The following NRG1 variants were observed in gnomAD, a reference collection of about 807,000 sequenced individuals.
NRG1 encodes the protein neuregulin 1, also known as pro-neuregulin-1, membrane-bound isoform.
NRG1 carries 18 observed loss-of-function variants against 63.8 expected under a neutral mutation model. That is an observed-to-expected ratio of 0.28 (90% confidence interval 0.19 to 0.42). The LOEUF is 0.42. Ranked by LOEUF, NRG1 falls within the 10% of genes least tolerant of loss-of-function variation. The probability of loss-of-function intolerance (pLI) is 1.00; values close to 1 mark genes in which losing one functional copy is unlikely to be tolerated. For synonymous variants in NRG1, 302 were observed against 301.3 expected (o/e 1.00, Z -0.02); for missense variants, 762 against 814.7 (o/e 0.94, Z 0.79).
chr8:32,526,917 C>T (rs1472270081), intron 1 of NRG1, among the ~76,000 whole-genome samples: 2 of 152,016 alleles, frequency 1.3e-5, no homozygotes, highest in Non-Finnish European at 2.9e-5. Flanking sequence ...ATTTGTAGCC[C>T]TTCACTCTTC....
intron 1 of NRG1, among the ~76,000 whole-genome samples, chr8:31,919,249 T>C (rs1295176090): frequency 6.6e-6 from 1 of 152,166 alleles, no homozygotes; most frequent in Non-Finnish European, 1.5e-5. Flanking sequence ...CTGCTAGCTT[T>C]TGAATGTGTT....
intron 1 of NRG1, among the ~76,000 whole-genome samples, chr8:32,536,921 T>A (rs1238642052): frequency 7.1e-4 from 2 of 2,812 alleles, no homozygotes; most frequent in Non-Finnish European, 4.6e-4. Context: ...AGACTCCGTC[T>A]CAAAAAAAAA....
chr8:32,579,012 TA>T (rs1402166536), intron 1 of NRG1, among the ~76,000 whole-genome samples: 2 of 152,304 alleles, frequency 1.3e-5, no homozygotes, highest in Middle Eastern at 3.4e-3. Flanking sequence ...TAAATGATGA[TA>T]TTTTTATCAG....
At chr8:31,964,020 C>T (rs770971473) in intron 1 of NRG1, among the ~76,000 whole-genome samples, 1 of 152,062 alleles carries the variant, frequency 6.6e-6, no homozygotes, top group Non-Finnish European at 1.5e-5. Context: ...ATGCCACTGG[C>T]TGGCTGGGAT....
At chr8:31,977,461 G>C (rs1012973127) in intron 1 of NRG1, among the ~76,000 whole-genome samples, 1 of 151,776 alleles carries the variant, frequency 6.6e-6, no homozygotes, top group Non-Finnish European at 1.5e-5. Flanking sequence ...TATTTCTAGT[G>C]CCGCCATCTC....
intron 1 of NRG1, among the ~76,000 whole-genome samples, chr8:31,897,492 C>T (rs1049068768): frequency 6.6e-6 from 1 of 152,174 alleles, no homozygotes; most frequent in Non-Finnish European, 1.5e-5. Flanking sequence ...GGAAAATCCA[C>T]ATTCTGAAGA....
intron 1 of NRG1, among the ~76,000 whole-genome samples, chr8:32,328,182 A>G (rs1802230926): frequency 6.6e-6 from 1 of 152,110 alleles, no homozygotes; most frequent in Admixed American, 6.5e-5. Context: ...TATCTCACAG[A>G]TGCTGTGAGG....
intron 5 of NRG1, chr8:32,647,276 CCTT>C (rs1853799563): frequency 4.1e-6 from 4 of 985,284 alleles, no homozygotes; most frequent in Non-Finnish European, 4.8e-6. Context: ...CGCTGGTCCT[CCTT>C]CTGCTTTTAC....
At chr8:31,900,759 C>T (rs1469829482) in intron 1 of NRG1, among the ~76,000 whole-genome samples, 1 of 152,176 alleles carries the variant, frequency 6.6e-6, no homozygotes, top group African/African-American at 2.4e-5. Flanking sequence ...AGCTGACCTA[C>T]CAAGCTGTGT....
chr8:31,708,955 T>C (rs972238782), intron 1 of NRG1, among the ~76,000 whole-genome samples: 1 of 152,346 alleles, frequency 6.6e-6, no homozygotes, highest in Non-Finnish European at 1.5e-5. Flanking sequence ...GAAGCCATAC[T>C]GATAACCTAA....
At chr8:32,136,654 A>G (rs562503985) in intron 1 of NRG1, 2 of 152,304 alleles carry the variant, frequency 1.3e-5, no homozygotes, top group East Asian at 1.9e-4. Flanking sequence ...ACACATGATC[A>G]TATGTCTTCT....
intron 6 of NRG1, among the ~76,000 whole-genome samples, chr8:32,740,258 C>A (rs1310843320): frequency 6.4e-5 from 9 of 141,110 alleles, no homozygotes; most frequent in African/African-American, 2.4e-4. Flanking sequence ...TGCAATGGCA[C>A]GATCTCAGCT....
chr8:32,124,136 T>C (rs1020250297), intron 1 of NRG1, among the ~76,000 whole-genome samples: 1 of 152,010 alleles, frequency 6.6e-6, no homozygotes, highest in Non-Finnish European at 1.5e-5. Flanking sequence ...CCTAATTTAG[T>C]GGAAGCCAGG....
At chr8:32,304,889 G>T (rs1192432189) in intron 1 of NRG1, among the ~76,000 whole-genome samples, 1 of 152,046 alleles carries the variant, frequency 6.6e-6, no homozygotes, top group African/African-American at 2.4e-5. Context: ...GGTCATGGTA[G>T]CCCACACCTG....
chr8:32,478,222 C>T (rs1824775957), intron 1 of NRG1, among the ~76,000 whole-genome samples: 1 of 151,998 alleles, frequency 6.6e-6, no homozygotes, highest in South Asian at 2.1e-4. Context: ...CTAGAATTGG[C>T]CCTTAAGCAG....
chr8:31,685,696 C>T (rs765905092), intron 1 of NRG1, among the ~76,000 whole-genome samples: 7 of 152,126 alleles, frequency 4.6e-5, no homozygotes, highest in Admixed American at 1.3e-4. Context: ...CAACTACTTA[C>T]GTACTTTTTA....
intron 1 of NRG1, among the ~76,000 whole-genome samples, chr8:31,933,688 T>C (rs905639676): frequency 2.0e-5 from 3 of 152,222 alleles, no homozygotes; most frequent in Non-Finnish European, 2.9e-5. Context: ...CAAAATCATC[T>C]GATTCCACTC....
chr8:32,111,916 T>A (rs915599463), intron 1 of NRG1, among the ~76,000 whole-genome samples: 2 of 152,168 alleles, frequency 1.3e-5, no homozygotes, highest in African/African-American at 4.8e-5. Flanking sequence ...GGTTTCTTAC[T>A]CTCTATATGA....
intron 1 of NRG1, among the ~76,000 whole-genome samples, chr8:31,903,866 G>A (rs993097146): frequency 1.3e-5 from 2 of 152,024 alleles, no homozygotes; most frequent in Middle Eastern, 3.4e-3. Flanking sequence ...GAGGGAGGAG[G>A]ATCATTTGAA....
Sources: allele counts gnomAD v4.1 joint callset (sites outside exome capture counted in the v4.1 genomes callset), GRCh38; gene constraint gnomAD v4.1.1; transcripts MANE v1.5; gene names NCBI Gene and HGNC (gene_info 2026-07-23, HGNC 2026-07-21).